KIF26B: variants seen among roughly 807,000 people sequenced by gnomAD.
KIF26B encodes the protein kinesin family member 26B.
In KIF26B, 63 loss-of-function variants were observed where a neutral mutation model predicts 151.2. The ratio of observed to expected loss-of-function variants is 0.42; its 90% CI spans 0.34 to 0.51. The LOEUF (loss-of-function observed/expected upper bound fraction) is 0.51, where lower values mean the gene tolerates loss of function less well. Ranked by LOEUF, KIF26B falls within the 20% of genes least tolerant of loss-of-function variation. The probability of loss-of-function intolerance (pLI) is 0.07; values close to 1 mark genes in which losing one functional copy is unlikely to be tolerated. For synonymous variants in KIF26B, 1,357 were observed against 1,262.1 expected, an observed-to-expected ratio of 1.08 and a Z score of -1.59; for missense variants, 2,813 against 2,913.6, an observed-to-expected ratio of 0.97 and a Z score of 0.79.
chr1:245,229,303 A>G (rs1669942951), intron 2 of KIF26B, among the ~76,000 whole-genome samples: 2 of 152,050 alleles, frequency 1.3e-5, no homozygotes, highest in African/African-American at 4.8e-5. Context: ...CTCTGACAGG[A>G]TATATTGTCA....
At chr1:245,459,897 CT>C (rs34119454) in intron 4 of KIF26B, among the ~76,000 whole-genome samples, 34,241 of 146,820 alleles carry the variant, frequency 0.23, 4,398 homozygotes, top group East Asian at 0.31. Flanking sequence ...CCTCATAAAC[CT>C]TTTTTTTTTT....
At chr1:245,485,085 C>T (rs1026902442) in intron 4 of KIF26B, among the ~76,000 whole-genome samples, 1 of 152,062 alleles carries the variant, frequency 6.6e-6, no homozygotes, top group Non-Finnish European at 1.5e-5. Context: ...ATGGATGAAC[C>T]TTGAAGACAT....
At position 245,367,470 on chromosome 1, in the gene KIF26B, T is replaced by A; in HGVS notation, c.999+103T>A. ...TGCCTCCTCCCGGGAACCCTGTAAC[T>A]CAGAGCCCAGTGTTTCCATGTGGCC... is the stretch of plus-strand genomic sequence containing the variant. On this transcript the variant is annotated intron_variant, in intron 3 of 14. Transcript: ENST00000407071. This position sits in a 1 kb window ranked among gnomAD's most constrained non-coding sequence, Gnocchi z 4.2. 9.1e-7 allele frequency: 1 copy of A among 1,100,528 alleles called. No homozygotes were observed. Among genetic ancestry groups the A allele is most frequent in the South Asian group, 1.6e-5 (1 of 62,994 alleles). 68.2% of individuals were successfully genotyped at this position (1,100,528 alleles called of 1,614,324 possible). A position where few individuals can be genotyped will look rare whatever the true frequency, so the allele number is the denominator to read the frequency against.
chr1:245,497,883 A>G (rs1352867122), intron 4 of KIF26B, among the ~76,000 whole-genome samples: 1 of 152,212 alleles, frequency 6.6e-6, no homozygotes, highest in Non-Finnish European at 1.5e-5. Context: ...AGCTGGGATT[A>G]CAGGCATGTG....
rs771338185 is a variant in KIF26B at position 245,495,708 on chromosome 1, A to G, written c.1167-45059A>G. ...ACCTAAAATTCTACTTCAAAATGTGATTTAAGAAGCCCTGGCTTGCCCCAA... is the reference window on the plus strand; with the variant it reads ...ACCTAAAATTCTACTTCAAAATGTGGTTTAAGAAGCCCTGGCTTGCCCCAA... On this transcript the variant is annotated intron_variant, in intron 4 of 14. Coordinates refer to ENST00000407071, the MANE Select transcript of KIF26B (RefSeq NM_018012.4). The surrounding 1 kb of genome is among the most constrained non-coding windows in gnomAD (Gnocchi z 4.2). Among the ~76,000 whole-genome samples the G allele has an allele frequency of 2.6e-5, 4 of 152,164 alleles. No individual in the cohort carries two copies. Among genetic ancestry groups the G allele is most frequent in the Non-Finnish European group, 2.9e-5 (2 of 68,032 alleles).
intron 2 of KIF26B, among the ~76,000 whole-genome samples, chr1:245,257,401 CAG>C (rs1336991167): frequency 6.6e-6 from 1 of 152,204 alleles, no homozygotes; most frequent in Admixed American, 6.5e-5. Flanking sequence ...AAACATTTTA[CAG>C]AGTTTGACTC....
intron 4 of KIF26B, among the ~76,000 whole-genome samples, chr1:245,422,829 T>A (rs1658522180): frequency 6.6e-6 from 1 of 152,170 alleles, no homozygotes; most frequent in African/African-American, 2.4e-5. Flanking sequence ...CTGGGCATGG[T>A]GGCTCACGCC....
intron 2 of KIF26B, among the ~76,000 whole-genome samples, chr1:245,310,755 G>A (rs1671650296): frequency 6.6e-6 from 1 of 152,210 alleles, no homozygotes; most frequent in Non-Finnish European, 1.5e-5. Context: ...ACGATGGGGA[G>A]AGAGCCCAGG....
At chr1:245,361,830 T>C (rs1572023136) in intron 2 of KIF26B, among the ~76,000 whole-genome samples, 2 of 152,318 alleles carry the variant, frequency 1.3e-5, no homozygotes, top group African/African-American at 4.8e-5. Context: ...GCTGTGCTTG[T>C]GTCCTCTTTG....
intron 10 of KIF26B, among the ~76,000 whole-genome samples, chr1:245,666,933 C>T (rs115708520): frequency 2.1e-3 from 325 of 152,238 alleles, no homozygotes; most frequent in African/African-American, 7.5e-3. Flanking sequence ...ATTGAGGGCA[C>T]AGCAGTGGTT....
intron 12 of KIF26B, among the ~76,000 whole-genome samples, chr1:245,690,458 T>C (rs1349665895): frequency 6.6e-6 from 1 of 152,236 alleles, no homozygotes; most frequent in Non-Finnish European, 1.5e-5. Flanking sequence ...TTCTCTGTCA[T>C]GGGGTGGCTT....
In KIF26B at chr1:245,706,319, G is replaced by A. The variant is rs753547507; in HGVS notation, c.*3713G>A. The A allele has an allele frequency of 6.6e-6, 1 of 152,186 alleles. No individual in the cohort carries two copies. The highest frequency in any genetic ancestry group is 1.5e-5 in the Non-Finnish European group (1 of 68,030). 9.4% of individuals were successfully genotyped at this position (152,186 alleles called of 1,614,324 possible). A position where few individuals can be genotyped will look rare whatever the true frequency, so the allele number is the denominator to read the frequency against. ...AAAATGCAGTTGTGCCCACTTGGGT[G>A]TGTATCTCATGTCCTTGTAAACCAG... On this transcript the variant is annotated 3_prime_UTR_variant, in exon 15 of 15. Coordinates refer to ENST00000407071, the MANE Select transcript of KIF26B (RefSeq NM_018012.4).
chr1:245,273,167 A>C (rs545121619), intron 2 of KIF26B, among the ~76,000 whole-genome samples: 54 of 152,122 alleles, frequency 3.5e-4, no homozygotes, highest in African/African-American at 1.1e-3. Context: ...TAATCCCAGC[A>C]CTTTGGGAGG....
Position 245,704,303 on chromosome 1 carries a change from G to GAA in KIF26B, c.*1703_*1704dup, listed in dbSNP as rs565837313. The GAA allele has an allele frequency of 6.6e-6, 1 of 152,162 alleles. No homozygotes were observed. Among genetic ancestry groups the GAA allele is most frequent in the South Asian group, 2.1e-4 (1 of 4,824 alleles). The allele number at this position is 152,162 out of a possible 1,614,324, so 9.4% of individuals were successfully genotyped here. A position where few individuals can be genotyped will look rare whatever the true frequency, so the allele number is the denominator to read the frequency against. ...CAGCCCCAGCCACTCCCCAAGCGGGGAAAAAAACACTACGTTTCTTGGTCA... is the reference window on the plus strand; with the variant it reads ...CAGCCCCAGCCACTCCCCAAGCGGGGAAAAAAAAACACTACGTTTCTTGGTCA... On this transcript the variant is annotated 3_prime_UTR_variant, in exon 15 of 15. Transcript: ENST00000407071.
intron 5 of KIF26B, among the ~76,000 whole-genome samples, chr1:245,574,581 G>T (rs2043097406): frequency 6.6e-6 from 1 of 152,214 alleles, no homozygotes; most frequent in African/African-American, 2.4e-5. Context: ...TCCCCTGGAA[G>T]GTTCTGGAGT....
chr1:245,633,628 AGTG>A (rs2043804653), intron 9 of KIF26B, among the ~76,000 whole-genome samples: 1 of 151,970 alleles, frequency 6.6e-6, no homozygotes, highest in Non-Finnish European at 1.5e-5. Context: ...GGGCCTGTCT[AGTG>A]GTGGTGAATT....
chr1:245,266,511 CTTTCTTTT>C (rs1670748776), intron 2 of KIF26B, among the ~76,000 whole-genome samples: 1 of 151,612 alleles, frequency 6.6e-6, no homozygotes, highest in African/African-American at 2.4e-5. Flanking sequence ...TTCTTTCTTT[CTTTCTTTT>C]TTTTTTTGAG....
intron 3 of KIF26B, among the ~76,000 whole-genome samples, chr1:245,376,314 A>G (rs1315335374): frequency 5.9e-5 from 9 of 152,196 alleles, no homozygotes; most frequent in African/African-American, 2.2e-4. Flanking sequence ...TTTATCTGGT[A>G]GGCAGGACAC....
rs2043366545 is a variant in KIF26B, at chr1:245,599,276, A to G, written c.1351-3301A>G. ...AAACTTAATTTCCTTCCTTTAAGGG[A>G]AAAAAAAGTCCATTTATTTAGACGC... On this transcript the variant is annotated intron_variant, in intron 5 of 14. Transcript: ENST00000407071. 3.9e-5 allele frequency among the ~76,000 whole-genome samples: 6 copies of G among 152,164 alleles called. No individual in the cohort carries two copies. The South Asian group carries it at 1.0e-3, about 26-fold the overall frequency.
Sources: allele counts gnomAD v4.1 joint callset (sites outside exome capture counted in the v4.1 genomes callset), GRCh38; gene constraint gnomAD v4.1.1; non-coding constraint Gnocchi (gnomAD v3.1); transcripts MANE v1.5; gene names NCBI Gene and HGNC (gene_info 2026-07-23, HGNC 2026-07-21).